EBF2: variants seen among roughly 807,000 people sequenced by gnomAD.
The protein encoded by EBF2 is EBF transcription factor 2.
In EBF2, 21 loss-of-function variants were observed where a neutral mutation model predicts 72.8. That is an observed-to-expected ratio of 0.29 (90% confidence interval 0.20 to 0.42). EBF2 has a LOEUF of 0.42. EBF2 is among the 10% of genes least tolerant of loss of function. The pLI is 1.00. For missense variants in EBF2, 637 were observed against 731.2 expected, an observed-to-expected ratio of 0.87 and a Z score of 1.49; for synonymous variants, 299 against 274.2, an observed-to-expected ratio of 1.09 and a Z score of -0.89.
intron 6 of EBF2, among the ~76,000 whole-genome samples, chr8:26,020,029 G>A (rs999698751): frequency 2.6e-5 from 4 of 152,116 alleles, no homozygotes; most frequent in Non-Finnish European, 5.9e-5. Flanking sequence ...ACCATCAAAG[G>A]TGGAGCAGGT....
In EBF2 at chr8:26,002,091, G is replaced by A. The variant is rs553633590; in HGVS notation, c.551+30994C>T. Among the ~76,000 whole-genome samples, 12 of 152,278 alleles carry A rather than the reference G, an allele frequency of 7.9e-5. No homozygotes were observed. In the South Asian group the frequency reaches 2.3e-3, roughly 29 times the overall value. ...GACTTTAGCACAGACAAAGGGAACC[G>A]GGAGTTCAGGCAAAGGAACATAAGG... is the stretch of plus-strand genomic sequence containing the variant. On this transcript the variant is annotated intron_variant, in intron 6 of 15. Coordinates refer to ENST00000520164, the MANE Select transcript of EBF2 (RefSeq NM_022659.4).
chr8:25,903,326 G>A (rs923776153), intron 7 of EBF2, among the ~76,000 whole-genome samples: 2 of 151,802 alleles, frequency 1.3e-5, no homozygotes, highest in African/African-American at 4.8e-5. Context: ...GAGCCACTGT[G>A]CCTAGCACCC....
chr8:25,937,693 G>A (rs1803601899), intron 6 of EBF2, among the ~76,000 whole-genome samples: 1 of 152,098 alleles, frequency 6.6e-6, no homozygotes, highest in Admixed American at 6.6e-5. Flanking sequence ...GTTTATATAT[G>A]TCCTTCAAGC....
chr8:25,972,758 T>G (rs191878969), intron 6 of EBF2, among the ~76,000 whole-genome samples: 49 of 151,734 alleles, frequency 3.2e-4, no homozygotes, highest in African/African-American at 1.1e-3. Flanking sequence ...GGTGGCCGAG[T>G]GGGCCACGAT....
intron 6 of EBF2, among the ~76,000 whole-genome samples, chr8:26,005,444 T>C (rs1259932665): frequency 2.7e-3 from 30 of 11,188 alleles, no homozygotes; most frequent in African/African-American, 9.0e-3. Context: ...TATTATATTA[T>C]AAAATATATT....
In EBF2 at chr8:25,978,669, C is replaced by A. The variant is rs550324494; in HGVS notation, c.551+54416G>T. Reference sequence around the variant, plus strand: ...ACCTGAGCACACCTAGGAAATGGGACCCCCACAACACTCAACCCCGCCATG... The same window carrying A: ...ACCTGAGCACACCTAGGAAATGGGAACCCCACAACACTCAACCCCGCCATG... On this transcript the variant is annotated intron_variant, in intron 6 of 15. Coordinates refer to ENST00000520164, the MANE Select transcript of EBF2 (RefSeq NM_022659.4). Among the ~76,000 whole-genome samples, 6 of 152,260 alleles carry A rather than the reference C, an allele frequency of 3.9e-5. No homozygotes were observed. The South Asian group carries it at 1.2e-3, about 32-fold the overall frequency.
intron 1 of EBF2, among the ~76,000 whole-genome samples, 192 bp from the exon 2 acceptor site, chr8:26,042,443 G>A (rs576699693): frequency 1.3e-4 from 20 of 152,280 alleles, no homozygotes; most frequent in African/African-American, 4.8e-4. Flanking sequence ...TGGCCACGGG[G>A]GTTGGGTGGC....
At chr8:25,952,129 C>CA (rs986994041) in intron 6 of EBF2, among the ~76,000 whole-genome samples, 5 of 150,798 alleles carry the variant, frequency 3.3e-5, no homozygotes, top group East Asian at 3.9e-4. Context: ...CGTGTATCTA[C>CA]AAAAAAAAAT....
At chr8:25,888,114 A>G (rs1347992359) in intron 8 of EBF2, 142 bp from the exon 9 acceptor site, 2 of 913,058 alleles carry the variant, frequency 2.2e-6, no homozygotes, top group African/African-American at 3.3e-5. Context: ...ATGAGCTAAC[A>G]AACAACAAAC....
intron 13 of EBF2, 101 bp from the exon 14 acceptor site, chr8:25,858,605 ACCAGCTGC>A (rs1802145491): frequency 9.4e-7 from 1 of 1,061,546 alleles, no homozygotes; most frequent in Non-Finnish European, 1.3e-6. Context: ...GCAGAATGTC[ACCAGCTGC>A]CCCGGGCAGT....
chr8:25,974,253 A>G (rs1804233162), intron 6 of EBF2, among the ~76,000 whole-genome samples: 1 of 151,900 alleles, frequency 6.6e-6, no homozygotes, highest in African/African-American at 2.4e-5. Context: ...AGGACCCAAG[A>G]CTCCTCACCT....
chr8:25,855,402 A>G (rs1802067890), intron 14 of EBF2, among the ~76,000 whole-genome samples: 1 of 152,264 alleles, frequency 6.6e-6, no homozygotes, highest in Middle Eastern at 3.4e-3. Flanking sequence ...AAATTGAAAA[A>G]ACATCTGTTT....
intron 10 of EBF2, among the ~76,000 whole-genome samples, chr8:25,883,625 T>A (rs1261557956): frequency 6.6e-6 from 1 of 152,128 alleles, no homozygotes; most frequent in Admixed American, 6.5e-5. Flanking sequence ...TGAGGACCTC[T>A]TTTACACATG....
chr8:26,037,882 C>T (rs1451636761), intron 5 of EBF2, among the ~76,000 whole-genome samples: 2 of 152,160 alleles, frequency 1.3e-5, no homozygotes, highest in African/African-American at 2.4e-5. Context: ...CAAAGCTAAA[C>T]ACAGATTTAT....
intron 15 of EBF2, among the ~76,000 whole-genome samples, chr8:25,846,228 TTTTTA>T (rs997501614): frequency 1.4e-5 from 2 of 144,414 alleles, no homozygotes; most frequent in Admixed American, 1.4e-4. Flanking sequence ...GTAGGAGGTT[TTTTTA>T]TTTTATTTTT....
intron 7 of EBF2, among the ~76,000 whole-genome samples, chr8:25,894,089 C>G (rs1802827820): frequency 1.3e-5 from 2 of 152,110 alleles, no homozygotes; most frequent in Non-Finnish European, 2.9e-5. Flanking sequence ...GCTGGAAGAG[C>G]CTGCCAATTC....
At chr8:25,912,589 A>G (rs901264858) in intron 6 of EBF2, among the ~76,000 whole-genome samples, 2 of 152,034 alleles carry the variant, frequency 1.3e-5, no homozygotes, top group Non-Finnish European at 1.5e-5. Flanking sequence ...TCAGTAGTCA[A>G]AGATAGACAT....
chr8:25,961,651 G>A (rs973029162), intron 6 of EBF2, among the ~76,000 whole-genome samples: 10 of 152,106 alleles, frequency 6.6e-5, no homozygotes, highest in Non-Finnish European at 1.0e-4. Flanking sequence ...ATGAACTACC[G>A]CGCCCAGCCC....
At chr8:26,023,320 G>A (rs1805233876) in intron 6 of EBF2, among the ~76,000 whole-genome samples, 1 of 152,152 alleles carries the variant, frequency 6.6e-6, no homozygotes, top group South Asian at 2.1e-4. Context: ...CTTATTTCCA[G>A]CACAGCACAA....
Sources: allele counts gnomAD v4.1 joint callset (sites outside exome capture counted in the v4.1 genomes callset), GRCh38; gene constraint gnomAD v4.1.1; transcripts MANE v1.5; gene names NCBI Gene and HGNC (gene_info 2026-07-23, HGNC 2026-07-21).